COL5A1: variants seen among roughly 807,000 people sequenced by gnomAD.
COL5A1 encodes the protein collagen type V alpha 1 chain.
A neutral mutation model predicts 263.7 loss-of-function variants in COL5A1; 16 were observed. The ratio of observed to expected loss-of-function variants is 0.06; its 90% CI spans 0.04 to 0.09. The LOEUF is 0.09. Ranked by LOEUF, COL5A1 falls within the 10% of genes least tolerant of loss-of-function variation. The pLI, the probability that COL5A1 is intolerant of heterozygous loss-of-function variation, is 1.00. For missense variants in COL5A1, 2,036 were observed against 2,540.5 expected, an observed-to-expected ratio of 0.80 and a Z score of 4.27; for synonymous variants, 1,012 against 1,004.5, an observed-to-expected ratio of 1.01 and a Z score of -0.14.
chr9:134,747,961 G>GCATTCACA lies in COL5A1; in HGVS notation c.1495-2579_1495-2578insTTCACACA, dbSNP rs1564428897. On this transcript the variant is annotated intron_variant, in intron 11 of 65. Coordinates refer to ENST00000371817, the MANE Select transcript of COL5A1 (RefSeq NM_000093.5). ...TGCATTCATACACATGCAGACACAT[G>GCATTCACA]CACACATGCATTCACACACACATGC... 2.3e-3 allele frequency among the ~76,000 whole-genome samples: 255 copies of GCATTCACA among 112,204 alleles called. 6 individuals carry two copies. Among genetic ancestry groups the GCATTCACA allele is most frequent in the African/African-American group, 8.4e-3 (237 of 28,214 alleles). 73.6% of individuals were successfully genotyped at this position (112,204 alleles called of 152,430 possible).
At position 134,716,982 on chromosome 9, in the gene COL5A1, C is replaced by T. The variant is rs915861792; in HGVS notation, c.655-10284C>T. Among the ~76,000 whole-genome samples the T allele has an allele frequency of 2.0e-5, 3 of 149,600 alleles. No individual in the cohort carries two copies. Among genetic ancestry groups the T allele is most frequent in the South Asian group, 2.1e-4 (1 of 4,812 alleles). On this transcript the variant is annotated intron_variant, in intron 4 of 65. Coordinates refer to ENST00000371817, the MANE Select transcript of COL5A1 (RefSeq NM_000093.5). The surrounding 1 kb of genome is among the most constrained non-coding windows in gnomAD (Gnocchi z 4.5). ...ACACTCTCGTTAATAGTGTGAAACT[C>T]GTTCTCACAGGTGCTGTGAAAACCA...
rs1234930630 is a variant in COL5A1 at position 134,794,740 on chromosome 9, A to T, written c.2701-342A>T. Among the ~76,000 whole-genome samples the T allele has an allele frequency of 6.6e-6, 1 of 152,072 alleles. No homozygotes were observed. The highest frequency in any genetic ancestry group is 2.4e-5 in the African/African-American group (1 of 41,404). On this transcript the variant is annotated intron_variant, in intron 32 of 65. Coordinates refer to ENST00000371817, the MANE Select transcript of COL5A1 (RefSeq NM_000093.5). This position sits in a 1 kb window ranked among gnomAD's most constrained non-coding sequence, Gnocchi z 4.3. Reference sequence around the variant, plus strand: ...GCTGAGGACAGAGAGAGAAAGAGAGATGAGGAGGAGGGGAAGGAGGGAGGA... The same window carrying T: ...GCTGAGGACAGAGAGAGAAAGAGAGTTGAGGAGGAGGGGAAGGAGGGAGGA...
At chr9:134,671,142 T>C (rs1832528785) in intron 1 of COL5A1, among the ~76,000 whole-genome samples, 1 of 152,228 alleles carries the variant, frequency 6.6e-6, no homozygotes. Context: ...CCCCACACAC[T>C]TGTGCTTCAC....
intron 14 of COL5A1, 91 bp from the exon 15 acceptor site, chr9:134,753,759 T>TCCCCCCGCCCCCCCCCAGCCCCCCCCC: frequency 1.8e-6 from 1 of 540,648 alleles, no homozygotes; most frequent in Non-Finnish European, 3.7e-6. Flanking sequence ...CCCTGTCCCC[T>TCCCCCCGCCCCCCCCCAGCCCCCCCCC]CCCCCTGCCC....
At chr9:134,816,884 C>A in intron 52 of COL5A1, 142 bp from the exon 53 acceptor site, 1 of 764,762 alleles carries the variant, frequency 1.3e-6, no homozygotes, top group Non-Finnish European at 2.3e-6. Flanking sequence ...GTCTTAGGAC[C>A]CTCTGTGCTA....
At chr9:134,722,414 C>T (rs1352912766) in intron 4 of COL5A1, among the ~76,000 whole-genome samples, 1 of 152,216 alleles carries the variant, frequency 6.6e-6, no homozygotes, top group Non-Finnish European at 1.5e-5. Flanking sequence ...CCCACAAGCA[C>T]TGAGACCAGT....
chr9:134,803,099 A>G, intron 39 of COL5A1, 104 bp downstream of exon 39: 1 of 920,978 alleles, frequency 1.1e-6, no homozygotes, highest in South Asian at 1.4e-5. Context: ...TAATTCGTCA[A>G]ACAGACGCTT....
rs77657727 is a variant in COL5A1 at position 134,722,024 on chromosome 9, C to T, written c.655-5242C>T. ...CTTAGCACCTGCGCCTCGGTTTCTC[C>T]TTCTCCACGGGGGTGGTGTAGGGCC... On this transcript the variant is annotated intron_variant, in intron 4 of 65. Transcript: ENST00000371817. 3.0e-3 allele frequency among the ~76,000 whole-genome samples: 452 copies of T among 152,368 alleles called. 2 individuals are homozygous for T. The highest frequency in any genetic ancestry group is 9.8e-3 in the African/African-American group (408 of 41,588).
At chr9:134,729,217 G>A (rs1213576409) in intron 6 of COL5A1, among the ~76,000 whole-genome samples, 1 of 152,196 alleles carries the variant, frequency 6.6e-6, no homozygotes, top group Non-Finnish European at 1.5e-5. Flanking sequence ...TCTGAGGTCG[G>A]CCTCGGGTCC....
rs1156684682 is a variant in COL5A1, at chr9:134,681,285, A to G, written c.110-9627A>G. Among the ~76,000 whole-genome samples, 1 of 152,170 alleles carries G rather than the reference A, an allele frequency of 6.6e-6. No homozygotes were observed. Reference sequence around the variant, plus strand: ...GGCTTCCAGGAAATACAGGAAGGGAACTAGGAGGGACAGCCGCCCTTCCCC... The same window carrying G: ...GGCTTCCAGGAAATACAGGAAGGGAGCTAGGAGGGACAGCCGCCCTTCCCC... On this transcript the variant is annotated intron_variant, in intron 1 of 65. Transcript: ENST00000371817. The surrounding 1 kb of genome is among the most constrained non-coding windows in gnomAD (Gnocchi z 4.3).
chr9:134,750,815 C>G lies in COL5A1; in HGVS notation c.1595C>G (p.Ala532Gly), dbSNP rs369000939. The change falls in exon 13 of 66, where the codon GCG becomes GGG. Residue 532 changes from alanine to glycine, a missense_variant. Physicochemically the swap from Ala to Gly is moderately conservative, Grantham distance 60. Coordinates refer to ENST00000371817, the MANE Select transcript of COL5A1 (RefSeq NM_000093.5). The stretch of plus-strand genomic sequence containing the variant: ...TTCCGGTTTGGAGGTGGCGGCGATG[C>G]GGGCTCCAAAGGCCCCATGGTCTCA... ...LPFRFGGGGDAGSKGPMVSAQ... is the reference protein window; with the variant it reads ...LPFRFGGGGDGGSKGPMVSAQ... The G allele has an allele frequency of 6.2e-7, 1 of 1,613,216 alleles. No homozygotes were observed. Among genetic ancestry groups the G allele is most frequent in the Non-Finnish European group, 8.5e-7 (1 of 1,180,014 alleles).
chr9:134,758,661 G>A lies in COL5A1; in HGVS notation c.1935+365G>A, dbSNP rs901402952. Reference sequence around the variant, plus strand: ...TCCAAGCAGCTGCCATTTCAGGGGCGGCCAAGGACACTTTGCAATATTAAA... The same window carrying A: ...TCCAAGCAGCTGCCATTTCAGGGGCAGCCAAGGACACTTTGCAATATTAAA... On this transcript the variant is annotated intron_variant, in intron 18 of 65. Coordinates refer to ENST00000371817, the MANE Select transcript of COL5A1 (RefSeq NM_000093.5). This position sits in a 1 kb window ranked among gnomAD's most constrained non-coding sequence, Gnocchi z 4.1. Among the ~76,000 whole-genome samples the A allele has an allele frequency of 3.9e-5, 6 of 152,102 alleles. No homozygotes were observed. The highest frequency in any genetic ancestry group is 1.4e-4 in the African/African-American group (6 of 41,398).
intron 63 of COL5A1, among the ~76,000 whole-genome samples, chr9:134,826,120 A>G (rs1839253294): frequency 6.6e-6 from 1 of 152,226 alleles, no homozygotes; most frequent in Non-Finnish European, 1.5e-5. Context: ...GGGGTCAGGA[A>G]GGGTTGGAGG....
chr9:134,721,269 G>T (rs770717589), intron 4 of COL5A1, among the ~76,000 whole-genome samples: 1 of 132,398 alleles, frequency 7.6e-6, no homozygotes, highest in African/African-American at 3.0e-5. Context: ...TCCCCCCCAT[G>T]GGACCCCCAT....
At position 134,659,618 on chromosome 9, in the gene COL5A1, G is replaced by T. The variant is rs1832138317; in HGVS notation, c.109+17322G>T. Among the ~76,000 whole-genome samples the T allele has an allele frequency of 3.9e-5, 6 of 152,280 alleles. No individual in the cohort carries two copies. In the South Asian group the frequency reaches 1.2e-3, roughly 32 times the overall value. ...AGGAGCAGGAGGAATGTGAAGTCCGGTGACCCCACCAACAACCCTCTGTCC... is the reference window on the plus strand; with the variant it reads ...AGGAGCAGGAGGAATGTGAAGTCCGTTGACCCCACCAACAACCCTCTGTCC... On this transcript the variant is annotated intron_variant, in intron 1 of 65. Coordinates refer to ENST00000371817, the MANE Select transcript of COL5A1 (RefSeq NM_000093.5).
In COL5A1 at chr9:134,786,330, C is replaced by T. The variant is rs1399543578; in HGVS notation, c.2646+282C>T. Among the ~76,000 whole-genome samples, 8 of 152,350 alleles carry T rather than the reference C, an allele frequency of 5.3e-5. No homozygotes were observed. The East Asian group carries it at 7.7e-4, about 15-fold the overall frequency. On this transcript the variant is annotated intron_variant, in intron 31 of 65. Coordinates refer to ENST00000371817, the MANE Select transcript of COL5A1 (RefSeq NM_000093.5). ...TTCATCCACTCCCCATCCTTGGGGGCGTGTGTGACACTGTGGCTCTCAGCC... is the reference window on the plus strand; with the variant it reads ...TTCATCCACTCCCCATCCTTGGGGGTGTGTGTGACACTGTGGCTCTCAGCC...
intron 4 of COL5A1, among the ~76,000 whole-genome samples, chr9:134,714,545 TGGA>T (rs1431230233): frequency 7.0e-6 from 1 of 143,862 alleles, no homozygotes; most frequent in Non-Finnish European, 1.5e-5. Context: ...AAGGTGGTGG[TGGA>T]GGTGATGTGG....
intron 27 of COL5A1, among the ~76,000 whole-genome samples, chr9:134,778,842 C>T (rs561707251): frequency 1.4e-4 from 21 of 152,348 alleles, no homozygotes; most frequent in East Asian, 7.7e-4. Context: ...AGGGCAACCA[C>T]GCCGCTGCCC....
intron 1 of COL5A1, among the ~76,000 whole-genome samples, chr9:134,653,994 T>TGTGTGTAGGGCTGGAG (rs1312200665): frequency 1.1e-5 from 1 of 90,962 alleles, no homozygotes; most frequent in African/African-American, 4.5e-5. Context: ...ATAGGGCTGG[T>TGTGTGTAGGGCTGGAG]GTGTGTAGGG....
Sources: gnomAD v4.1 joint callset for allele counts (sites outside exome capture counted in the v4.1 genomes callset) on GRCh38, gnomAD v4.1.1 for gene constraint, Gnocchi (gnomAD v3.1) non-coding constraint, MANE v1.5 for transcripts, NCBI Gene and HGNC (gene_info 2026-07-23, HGNC 2026-07-21) for gene names.